OGFOD3: variants seen among roughly 807,000 people sequenced by gnomAD.
OGFOD3 encodes the protein 2-oxoglutarate and iron-dependent oxygenase domain-containing protein 3.
Under a neutral mutation model 39.8 loss-of-function variants are expected in OGFOD3, and 35 were observed. The observed-to-expected ratio is 0.88, with a 90% confidence interval of 0.67 to 1.17. OGFOD3 has a LOEUF of 1.17. Ranked by LOEUF, OGFOD3 falls within the 50% of genes most tolerant of loss-of-function variation. OGFOD3 has a pLI of 0.00. For missense variants in OGFOD3, 438 were observed against 454.5 expected (o/e 0.96, Z 0.33); for synonymous variants, 200 against 192.0 (o/e 1.04, Z -0.34).
chr17:82,391,660 G>C lies in OGFOD3; in HGVS notation c.*738C>G, dbSNP rs1234474375. The stretch of plus-strand genomic sequence containing the variant: ...ATGCCAGGGCAAAGGGGGAGGAGGA[G>C]ACCTACCCTCGACCCAGCAGAAGGC... On this transcript the variant is annotated 3_prime_UTR_variant, in exon 9 of 9. Coordinates refer to ENST00000313056, the MANE Select transcript of OGFOD3 (RefSeq NM_024648.3). The surrounding 1 kb of genome is among the most constrained non-coding windows in gnomAD (Gnocchi z 5.1). 6.6e-6 allele frequency: 1 copy of C among 152,456 alleles called. No homozygotes were observed. The highest frequency in any genetic ancestry group is 2.4e-5 in the African/African-American group (1 of 41,444). The allele number at this position is 152,456 out of a possible 1,614,324, so 9.4% of individuals were successfully genotyped here. A position where few individuals can be genotyped will look rare whatever the true frequency, so the allele number is the denominator to read the frequency against.
chr17:82,401,402 A>AAAGT (rs1355388263), intron 7 of OGFOD3: 3 of 151,530 alleles, frequency 2.0e-5, no homozygotes, highest in African/African-American at 7.3e-5. Context: ...TCAGCCTCCC[A>AAAGT]AAGTGCTGGG....
chr17:82,408,999 G>A (rs1261545191), intron 4 of OGFOD3, among the ~76,000 whole-genome samples: 3 of 152,178 alleles, frequency 2.0e-5, no homozygotes, highest in African/African-American at 7.2e-5. Flanking sequence ...TTTCCCGGCA[G>A]CTCCACGGGC....
chr17:82,398,162 A>G (rs1567866662), intron 8 of OGFOD3, 34 bp downstream of exon 8: 2 of 1,612,846 alleles, frequency 1.2e-6, no homozygotes. Flanking sequence ...CTGAGCCAGG[A>G]GCCCCACGCC....
At position 82,415,630 on chromosome 17, in the gene OGFOD3, G is replaced by A; in HGVS notation, c.75-3C>T. On this transcript the variant is annotated splice_polypyrimidine_tract_variant and splice_region_variant and intron_variant, in intron 1 of 8. Coordinates refer to ENST00000313056, the MANE Select transcript of OGFOD3 (RefSeq NM_024648.3). This position sits in a 1 kb window ranked among gnomAD's most constrained non-coding sequence, Gnocchi z 5.3. ...GCGGGGCTCGGTCCTTCTTGGTGCT[G>A]AGAACAGAAAACAGGCCACGTCACC... is the stretch of plus-strand genomic sequence containing the variant. 6.2e-7 allele frequency: 1 copy of A among 1,606,042 alleles called. No individual in the cohort carries two copies. Among genetic ancestry groups the A allele is most frequent in the Non-Finnish European group, 8.5e-7 (1 of 1,174,950 alleles).
intron 2 of OGFOD3, among the ~76,000 whole-genome samples, chr17:82,414,804 C>T (rs2053006277): frequency 6.6e-6 from 1 of 152,216 alleles, no homozygotes; most frequent in South Asian, 2.1e-4. Context: ...AAGAATATAT[C>T]CAGGTGGCAT....
intron 7 of OGFOD3, 29 bp downstream of exon 7, chr17:82,403,908 A>ACGCTCACCCTGCCCACGGGCG (rs755639483): frequency 1.9e-6 from 3 of 1,538,490 alleles, no homozygotes; most frequent in Non-Finnish European, 1.7e-6. Context: ...GTCCACGGGC[A>ACGCTCACCCTGCCCACGGGCG]CGCTCACCCT....
chr17:82,406,441 C>T lies in OGFOD3; in HGVS notation c.465G>A (p.Gly155=), dbSNP rs1215188384. The T allele has an allele frequency of 1.2e-6, 2 of 1,614,022 alleles. No homozygotes were observed. The highest frequency in any genetic ancestry group is 1.7e-6 in the Non-Finnish European group (2 of 1,180,038). The change falls in exon 5 of 9, where the codon GGG becomes GGA. Residue 155 remains glycine (G), a synonymous_variant. Transcript: ENST00000313056. This position sits in a 1 kb window ranked among gnomAD's most constrained non-coding sequence, Gnocchi z 5.2. The part of the protein sequence containing the change: ...LDLHSGALSV[G]KHFVNLYRYF... Reference sequence around the variant, plus strand: ...ACCTGTACAGGTTCACAAAGTGCTTCCCGACAGACAGGGCCCCTGAGTGCA... The same window carrying T: ...ACCTGTACAGGTTCACAAAGTGCTTTCCGACAGACAGGGCCCCTGAGTGCA...
intron 8 of OGFOD3, among the ~76,000 whole-genome samples, chr17:82,396,245 TAGAC>T (rs949095294): frequency 7.3e-6 from 1 of 137,256 alleles, no homozygotes; most frequent in African/African-American, 2.7e-5. Context: ...TACACACAAT[TAGAC>T]AGATGTATGA....
chr17:82,411,824 T>G, intron 2 of OGFOD3: 1 of 426,060 alleles, frequency 2.3e-6, no homozygotes, highest in South Asian at 2.5e-5. Flanking sequence ...ACAGCATTCC[T>G]GAACCATCAC....
rs192357917 is a variant in OGFOD3 at position 82,407,219 on chromosome 17, C to T, written c.424-737G>A. ...GGCGGAGGTTGCAGCGAGCCGAGAT[C>T]GTGCCATTGCACTCCAGCCTGGGCT... is the stretch of plus-strand genomic sequence containing the variant. On this transcript the variant is annotated intron_variant, in intron 4 of 8. Transcript: ENST00000313056. Among the ~76,000 whole-genome samples the T allele has an allele frequency of 3.2e-3, 489 of 151,476 alleles. 10 individuals carry two copies. The highest frequency in any genetic ancestry group is 4.0e-3 in the Non-Finnish European group (273 of 67,878).
chr17:82,393,230 G>C (rs906845120), intron 8 of OGFOD3: 1 of 152,290 alleles, frequency 6.6e-6, no homozygotes, highest in East Asian at 1.9e-4. Context: ...TCACCAAGTG[G>C]GAAGCAAGGG....
At chr17:82,397,164 G>A (rs1309013886) in intron 8 of OGFOD3, among the ~76,000 whole-genome samples, 1 of 152,008 alleles carries the variant, frequency 6.6e-6, no homozygotes, top group Non-Finnish European at 1.5e-5. Flanking sequence ...ACAAATAACA[G>A]GAATCTCAAA....
At chr17:82,394,657 G>T (rs552414023) in intron 8 of OGFOD3, 4 of 746,926 alleles carry the variant, frequency 5.4e-6, no homozygotes, top group Non-Finnish European at 8.4e-6. Context: ...TCCCAGGGGG[G>T]ACCTCTGAGC....
intron 8 of OGFOD3, among the ~76,000 whole-genome samples, chr17:82,394,146 C>G (rs563562446): frequency 6.6e-6 from 1 of 152,112 alleles, no homozygotes; most frequent in East Asian, 1.9e-4. Flanking sequence ...CCCGCCACCA[C>G]GCCCAGCTAA....
intron 7 of OGFOD3, 26 bp downstream of exon 7, chr17:82,403,911 C>T: frequency 1.3e-6 from 2 of 1,585,518 alleles, no homozygotes; most frequent in East Asian, 2.3e-5. Context: ...CACGGGCACG[C>T]TCACCCTGCC....
At position 82,413,075 on chromosome 17, in the gene OGFOD3, ACT is replaced by A. The variant is rs1480789369; in HGVS notation, c.305-1547_305-1546del. ...ATATCAGGGAAGGGGGGCTGTAGTT[ACT>A]GTGGTTAAATGATCTAATGGACATA... On this transcript the variant is annotated intron_variant, in intron 2 of 8. Transcript: ENST00000313056. 2.0e-5 allele frequency among the ~76,000 whole-genome samples: 3 copies of A among 152,382 alleles called. No homozygotes were observed. The East Asian group carries it at 5.8e-4, about 29-fold the overall frequency.
rs542106739 is a variant in OGFOD3 at position 82,406,030 on chromosome 17, C to A, written c.488+388G>T. Among the ~76,000 whole-genome samples, 4 of 152,136 alleles carry A rather than the reference C, an allele frequency of 2.6e-5. No homozygotes were observed. The highest frequency in any genetic ancestry group is 6.5e-5 in the Admixed American group (1 of 15,276). On this transcript the variant is annotated intron_variant, in intron 5 of 8. Coordinates refer to ENST00000313056, the MANE Select transcript of OGFOD3 (RefSeq NM_024648.3). This position sits in a 1 kb window ranked among gnomAD's most constrained non-coding sequence, Gnocchi z 5.2. ...AATGCATGAGGCTGACACGGATCCA[C>A]GCAGGGAGGGTCTCTTTGCTCTCCC...
At chr17:82,407,722 C>T (rs569797929) in intron 4 of OGFOD3, among the ~76,000 whole-genome samples, 15 of 152,328 alleles carry the variant, frequency 9.8e-5, no homozygotes, top group East Asian at 5.8e-4. Context: ...CCCAAAGCAG[C>T]GGCCCAGCCA....
intron 7 of OGFOD3, among the ~76,000 whole-genome samples, chr17:82,401,712 G>A (rs2052766266): frequency 6.7e-6 from 1 of 149,062 alleles, no homozygotes; most frequent in South Asian, 2.1e-4. Context: ...GCTGAGGCAG[G>A]AGAATGGCTT....
Sources: gnomAD v4.1 joint callset for allele counts (sites outside exome capture counted in the v4.1 genomes callset) on GRCh38, gnomAD v4.1.1 for gene constraint, Gnocchi (gnomAD v3.1) non-coding constraint, MANE v1.5 for transcripts, NCBI Gene and HGNC (gene_info 2026-07-23, HGNC 2026-07-21) for gene names.